PRKN: variants seen among roughly 807,000 people sequenced by gnomAD.
PRKN encodes E3 ubiquitin-protein ligase parkin.
Under a neutral mutation model 59.5 loss-of-function variants are expected in PRKN, and 56 were observed. The ratio of observed to expected loss-of-function variants is 0.94; its 90% CI spans 0.76 to 1.18. PRKN has a LOEUF of 1.18. Among genes scored for constraint, PRKN ranks in the 50% most tolerant of loss-of-function variants. PRKN has a pLI of 0.00. For synonymous variants in PRKN, 250 were observed against 222.1 expected (o/e 1.13, Z -1.12); for missense variants, 657 against 596.4 (o/e 1.10, Z -1.06).
intron 1 of PRKN, among the ~76,000 whole-genome samples, chr6:162,525,760 C>G (rs544758367): frequency 8.3e-4 from 126 of 152,292 alleles, no homozygotes; most frequent in African/African-American, 2.9e-3. Flanking sequence ...AAATGAATGA[C>G]TCTTCTCCAC....
intron 7 of PRKN, among the ~76,000 whole-genome samples, chr6:161,773,604 A>T (rs189823128): frequency 3.3e-5 from 5 of 152,328 alleles, no homozygotes; most frequent in Admixed American, 3.3e-4. Flanking sequence ...TTAAGTACTG[A>T]CAGACATCTT....
intron 1 of PRKN, among the ~76,000 whole-genome samples, chr6:162,457,885 C>T (rs1007873836): frequency 2.6e-5 from 4 of 151,576 alleles, no homozygotes; most frequent in African/African-American, 9.7e-5. Context: ...CTTTGGGAGG[C>T]CGAGGTGGGC....
chr6:161,907,982 G>A (rs1778211683), intron 6 of PRKN, among the ~76,000 whole-genome samples: 1 of 152,058 alleles, frequency 6.6e-6, no homozygotes, highest in Admixed American at 6.5e-5. Flanking sequence ...GGAGGCTGAG[G>A]CAAGAGAATG....
At chr6:161,443,357 G>T (rs1160283740) in intron 9 of PRKN, among the ~76,000 whole-genome samples, 1 of 151,948 alleles carries the variant, frequency 6.6e-6, no homozygotes, top group East Asian at 1.9e-4. Flanking sequence ...CAACACGCGT[G>T]GTCTTATACT....
At chr6:162,670,264 C>T (rs532017589) in intron 1 of PRKN, among the ~76,000 whole-genome samples, 14 of 151,938 alleles carry the variant, frequency 9.2e-5, no homozygotes, top group Non-Finnish European at 1.8e-4. Context: ...GCTCTAAGAA[C>T]GAAAAAAATC....
At chr6:162,346,063 A>T (rs577461819) in intron 2 of PRKN, among the ~76,000 whole-genome samples, 2 of 152,108 alleles carry the variant, frequency 1.3e-5, no homozygotes, top group Non-Finnish European at 2.9e-5. Context: ...ACCAGATACC[A>T]TTGCCACGTT....
At chr6:162,143,485 C>G (rs1164246682) in intron 4 of PRKN, among the ~76,000 whole-genome samples, 1 of 152,054 alleles carries the variant, frequency 6.6e-6, no homozygotes, top group East Asian at 1.9e-4. Context: ...CTTTAGACTA[C>G]CTATGACCAG....
chr6:162,440,616 A>G (rs1316635022), intron 2 of PRKN, among the ~76,000 whole-genome samples: 1 of 152,100 alleles, frequency 6.6e-6, no homozygotes, highest in African/African-American at 2.4e-5. Flanking sequence ...CATATCACCT[A>G]TGATAAAGAA....
intron 1 of PRKN, among the ~76,000 whole-genome samples, chr6:162,642,482 A>G (rs965263225): frequency 6.6e-6 from 1 of 152,146 alleles, no homozygotes; most frequent in Non-Finnish European, 1.5e-5. Flanking sequence ...TTAAGCTAAC[A>G]TTCTATAAAA....
chr6:162,203,780 A>G (rs1423921273), intron 3 of PRKN, among the ~76,000 whole-genome samples: 1 of 152,046 alleles, frequency 6.6e-6, no homozygotes, highest in Non-Finnish European at 1.5e-5. Flanking sequence ...TGGACCTTAA[A>G]ATCCTTTCTC....
intron 6 of PRKN, among the ~76,000 whole-genome samples, chr6:161,810,698 C>A (rs1447551331): frequency 6.6e-6 from 1 of 152,152 alleles, no homozygotes; most frequent in African/African-American, 2.4e-5. Flanking sequence ...TTGCAACATT[C>A]ATGTATTTAC....
At chr6:162,631,090 C>T (rs1283737251) in intron 1 of PRKN, among the ~76,000 whole-genome samples, 3 of 152,066 alleles carry the variant, frequency 2.0e-5, no homozygotes, top group African/African-American at 4.8e-5. Flanking sequence ...ACAATCTTCT[C>T]GGAACACTAA....
chr6:161,569,996 G>A (rs942253203), intron 7 of PRKN, among the ~76,000 whole-genome samples: 3 of 151,450 alleles, frequency 2.0e-5, no homozygotes, highest in Non-Finnish European at 2.9e-5. Flanking sequence ...GGCATCTTAC[G>A]GAAGGACCAA....
intron 1 of PRKN, among the ~76,000 whole-genome samples, chr6:162,705,283 G>A (rs565528056): frequency 1.4e-4 from 21 of 152,198 alleles, no homozygotes; most frequent in African/African-American, 4.8e-4. Flanking sequence ...TGTTTCAGAA[G>A]AACACTGTTT....
intron 3 of PRKN, among the ~76,000 whole-genome samples, chr6:162,255,694 T>C (rs1779613918): frequency 6.6e-6 from 1 of 152,198 alleles, no homozygotes; most frequent in African/African-American, 2.4e-5. Flanking sequence ...CCACACTTAC[T>C]GCCAGTCGGC....
chr6:162,150,331 G>A (rs1167327051), intron 4 of PRKN, among the ~76,000 whole-genome samples: 2 of 152,182 alleles, frequency 1.3e-5, no homozygotes, highest in Non-Finnish European at 2.9e-5. Context: ...AAGTGTCTGA[G>A]TTTGGGGGCC....
At chr6:162,680,423 T>A (rs1454530464) in intron 1 of PRKN, among the ~76,000 whole-genome samples, 1 of 151,774 alleles carries the variant, frequency 6.6e-6, no homozygotes, top group African/African-American at 2.4e-5. Context: ...ATACAGGTCA[T>A]GAGATCAAGA....
chr6:162,373,165 G>A (rs1470805011), intron 2 of PRKN, among the ~76,000 whole-genome samples: 2 of 152,158 alleles, frequency 1.3e-5, no homozygotes, highest in African/African-American at 4.8e-5. Flanking sequence ...TGGTTTAAAT[G>A]GTTAACGATG....
chr6:162,587,197 C>T (rs796136135), intron 1 of PRKN, among the ~76,000 whole-genome samples: 4 of 152,256 alleles, frequency 2.6e-5, no homozygotes, highest in African/African-American at 9.6e-5. Flanking sequence ...AGTACAGTGG[C>T]GCAATCTCGG....
Sources: allele counts gnomAD v4.1 joint callset (sites outside exome capture counted in the v4.1 genomes callset), GRCh38; gene constraint gnomAD v4.1.1; transcripts MANE v1.5; gene names NCBI Gene and HGNC (gene_info 2026-07-23, HGNC 2026-07-21).